The following XRRA1 variants were observed in gnomAD, a reference collection of about 807,000 sequenced individuals.
XRRA1 encodes X-ray radiation resistance-associated protein 1.
XRRA1 carries 69 observed loss-of-function variants against 80.2 expected under a neutral mutation model. That is an observed-to-expected ratio of 0.86 (90% CI 0.71 to 1.05). The LOEUF (loss-of-function observed/expected upper bound fraction) is 1.05. XRRA1 is among the 50% of genes least tolerant of loss of function. The pLI is 0.00. For missense variants in XRRA1, 967 were observed against 976.4 expected, an observed-to-expected ratio of 0.99 and a Z score of 0.13; for synonymous variants, 348 against 389.9, an observed-to-expected ratio of 0.89 and a Z score of 1.27.
intron 10 of XRRA1, among the ~76,000 whole-genome samples, chr11:74,887,770 A>T (rs1176093932): frequency 6.6e-6 from 1 of 152,118 alleles, no homozygotes; most frequent in East Asian, 1.9e-4. Context: ...ACACCAAGAG[A>T]TTATATCCCG....
chr11:74,943,148 C>T (rs951820888), intron 2 of XRRA1, among the ~76,000 whole-genome samples: 13 of 152,288 alleles, frequency 8.5e-5, no homozygotes, highest in East Asian at 5.8e-4. Context: ...GGGGTGGCTC[C>T]GAGACTCTTC....
chr11:74,887,050 T>C (rs2049207719), intron 10 of XRRA1, among the ~76,000 whole-genome samples: 1 of 152,176 alleles, frequency 6.6e-6, no homozygotes, highest in African/African-American at 2.4e-5. Flanking sequence ...CCTTACACCA[T>C]CTACAAAAAC....
rs1323423163 is a variant in XRRA1 at position 74,841,005 on chromosome 11, T to G, written c.*2195A>C. Reference sequence around the variant, plus strand: ...AGTTAGTTAGAGTTAAATGTACCTATAGCCCCTGAATACATGCTCAGGTAG... The same window carrying G: ...AGTTAGTTAGAGTTAAATGTACCTAGAGCCCCTGAATACATGCTCAGGTAG... On this transcript the variant is annotated 3_prime_UTR_variant, in exon 19 of 19. Coordinates refer to ENST00000684022, the MANE Select transcript of XRRA1 (RefSeq NM_001378157.1). 6.6e-6 allele frequency: 1 copy of G among 152,154 alleles called. No homozygotes were observed. Among genetic ancestry groups the G allele is most frequent in the African/African-American group, 2.4e-5 (1 of 41,436 alleles). 9.4% of individuals were successfully genotyped at this position (152,154 alleles called of 1,614,324 possible).
intron 16 of XRRA1, 128 bp downstream of exon 16, chr11:74,844,945 G>A (rs1441562940): frequency 1.2e-5 from 11 of 887,170 alleles, no homozygotes; most frequent in Admixed American, 2.3e-5. Flanking sequence ...CCTTTGACAG[G>A]TATTTAGACA....
intron 10 of XRRA1, among the ~76,000 whole-genome samples, chr11:74,890,525 A>G (rs1367332567): frequency 6.6e-6 from 1 of 152,236 alleles, no homozygotes; most frequent in Non-Finnish European, 1.5e-5. Context: ...TTCAAAAGCT[A>G]GCAGAAGGCA....
intron 3 of XRRA1, among the ~76,000 whole-genome samples, chr11:74,939,219 G>A (rs1945771869): frequency 1.3e-5 from 2 of 152,118 alleles, no homozygotes; most frequent in Non-Finnish European, 2.9e-5. Flanking sequence ...GGGCATGGTG[G>A]CAAGTGCCTG....
At chr11:74,881,275 G>T (rs1364288391) in intron 10 of XRRA1, among the ~76,000 whole-genome samples, 1 of 151,390 alleles carries the variant, frequency 6.6e-6, no homozygotes, top group East Asian at 1.9e-4. Context: ...TCCGAGACTA[G>T]GATTGCAACC....
At chr11:74,935,292 GA>G (rs1163167904) in intron 4 of XRRA1, among the ~76,000 whole-genome samples, 2 of 152,192 alleles carry the variant, frequency 1.3e-5, no homozygotes, top group Non-Finnish European at 2.9e-5. Flanking sequence ...ATCAGCCCAA[GA>G]GGACAAGATA....
In XRRA1 at chr11:74,907,176, T is replaced by A. The variant is rs770242384; in HGVS notation, c.754A>T (p.Ser252Cys). 7.4e-6 allele frequency: 12 copies of A among 1,613,782 alleles called. No individual in the cohort carries two copies. The African/African-American group carries it at 1.6e-4, about 22-fold the overall frequency. ...AGCCCAGCCAGGCTGGCAAAGCAAC[T>A]GGGGTTGGAGAGTCTGTTGTCATCC... ...MLDDNRLSNP[S>C]CFASLAGLRR... Residue 252 changes from serine to cysteine, a missense_variant, in exon 9 of 19, where the codon AGT becomes TGT. Coordinates refer to ENST00000684022, the MANE Select transcript of XRRA1 (RefSeq NM_001378157.1).
rs545889283 is a variant in XRRA1, at chr11:74,902,866, G to A, written c.1003+3373C>T. Reference sequence around the variant, plus strand: ...CTAGTATTTGGTAGCACAACAGGGGGACTATAGTCAATAATACTTTAATTT... The same window carrying A: ...CTAGTATTTGGTAGCACAACAGGGGAACTATAGTCAATAATACTTTAATTT... On this transcript the variant is annotated intron_variant, in intron 10 of 18. Transcript: ENST00000684022. 1.9e-3 allele frequency among the ~76,000 whole-genome samples: 296 copies of A among 151,996 alleles called. 2 individuals carry two copies. Among genetic ancestry groups the A allele is most frequent in the Non-Finnish European group, 3.2e-3 (216 of 67,982 alleles).
At chr11:74,931,131 C>CGTGT (rs61614618) in intron 5 of XRRA1, among the ~76,000 whole-genome samples, 3,004 of 149,462 alleles carry the variant, frequency 0.02, 29 homozygotes, top group African/African-American at 0.026. Context: ...TATGCTTATA[C>CGTGT]GTGTGTGTGT....
At chr11:74,865,147 C>A (rs891891126) in intron 10 of XRRA1, among the ~76,000 whole-genome samples, 2 of 151,594 alleles carry the variant, frequency 1.3e-5, no homozygotes, top group African/African-American at 4.8e-5. Flanking sequence ...CAAATCCCAG[C>A]GGGGCCCAGT....
At chr11:74,872,612 C>T (rs2045100329) in intron 10 of XRRA1, among the ~76,000 whole-genome samples, 1 of 152,088 alleles carries the variant, frequency 6.6e-6, no homozygotes, top group Non-Finnish European at 1.5e-5. Context: ...CCACCCCAAC[C>T]ATGTCCAGCC....
At chr11:74,870,119 T>C (rs753040190) in intron 10 of XRRA1, among the ~76,000 whole-genome samples, 3 of 152,240 alleles carry the variant, frequency 2.0e-5, no homozygotes, top group Non-Finnish European at 2.9e-5. Flanking sequence ...CGGTGTCTGA[T>C]GGCCACCTAG....
At chr11:74,912,454 T>C (rs1249458387) in intron 8 of XRRA1, among the ~76,000 whole-genome samples, 2 of 152,164 alleles carry the variant, frequency 1.3e-5, no homozygotes, top group African/African-American at 4.8e-5. Context: ...ACAACCCTGC[T>C]GGGCCAGGGG....
intron 8 of XRRA1, among the ~76,000 whole-genome samples, chr11:74,908,415 G>T (rs902738038): frequency 6.6e-6 from 1 of 152,146 alleles, no homozygotes; most frequent in African/African-American, 2.4e-5. Flanking sequence ...GGATTAAAGG[G>T]TGGGGAAATG....
chr11:74,897,299 T>G (rs1440542080), intron 10 of XRRA1, among the ~76,000 whole-genome samples: 1 of 151,934 alleles, frequency 6.6e-6, no homozygotes, highest in African/African-American at 2.4e-5. Flanking sequence ...CTCAACAGAC[T>G]ATTTGAAAAT....
Position 74,852,004 on chromosome 11 carries a change from C to T in XRRA1, c.1249G>A (p.Val417Met), listed in dbSNP as rs148055073. The change falls in exon 13 of 19, where the codon GTG becomes ATG. Residue 417 changes from valine (V) to methionine (M), a missense_variant. Val to Met is a conservative substitution (Grantham distance 21). Transcript: ENST00000684022. ...GGCACTATACCTCGTGTATGGGCCA[C>T]CAGAGGGTTGTTATGAAAGACGAAC... is the stretch of plus-strand genomic sequence containing the variant. The part of the protein sequence containing the change: ...CEFVFHNNPL[V>M]AHTRGVPPLL... 3.8e-3 allele frequency: 6,092 copies of T among 1,613,772 alleles called. 152 individuals carry two copies. The highest frequency in any genetic ancestry group is 1.2e-3 in the Non-Finnish European group (1,443 of 1,179,798).
At position 74,854,110 on chromosome 11, in the gene XRRA1, A is replaced by G. The variant is rs77699541; in HGVS notation, c.1171-2028T>C. ...TAAGGGAACAATGAAAGAACATACA[A>G]TTTGAAGAAAAAATTTATCAATTTG... On this transcript the variant is annotated intron_variant, in intron 12 of 18. Transcript: ENST00000684022. 6.9e-3 allele frequency among the ~76,000 whole-genome samples: 1,053 copies of G among 152,354 alleles called. 15 individuals carry two copies. Among genetic ancestry groups the G allele is most frequent in the African/African-American group, 0.024 (978 of 41,578 alleles).
Sources: gnomAD v4.1 joint callset for allele counts (sites outside exome capture counted in the v4.1 genomes callset) on GRCh38, gnomAD v4.1.1 for gene constraint, MANE v1.5 for transcripts, NCBI Gene and HGNC (gene_info 2026-07-23, HGNC 2026-07-21) for gene names.